The following CDKL5 variants were observed in gnomAD, a reference collection of about 807,000 sequenced individuals.
CDKL5 encodes cyclin dependent kinase like 5.
Under a neutral mutation model 61.7 loss-of-function variants are expected in CDKL5, and 8 were observed. That is an observed-to-expected ratio of 0.13 (90% CI 0.08 to 0.23). The LOEUF is 0.23. Ranked by LOEUF, CDKL5 falls within the 10% of genes least tolerant of loss-of-function variation. The pLI is 1.00. For synonymous variants in CDKL5, 275 were observed against 272.3 expected, an observed-to-expected ratio of 1.01 and a Z score of -0.10; for missense variants, 440 against 734.5, an observed-to-expected ratio of 0.60 and a Z score of 4.63.
intron 6 of CDKL5, 35 bp from the exon 7 acceptor site, chrX:18,581,856 T>C: frequency 1.0e-6 from 1 of 983,332 alleles, no homozygotes; most frequent in Non-Finnish European, 1.5e-6. Flanking sequence ...ACATAGAACA[T>C]TTTTACTAAT....
chrX:18,527,613 T>G (rs1282698091), intron 3 of CDKL5, among the ~76,000 whole-genome samples: 1 of 111,756 alleles, frequency 8.9e-6, no homozygotes, highest in Non-Finnish European at 1.9e-5. Context: ...TAATTTGTGT[T>G]TTTTTTTCTC....
rs771196856 is a variant in CDKL5, at chrX:18,633,104, G to C, written c.*4347G>C. The C allele has an allele frequency of 2.1e-5, 16 of 752,416 alleles. No individual in the cohort carries two copies. The highest frequency in any genetic ancestry group is 2.5e-5 in the Non-Finnish European group (16 of 639,139). 62.0% of individuals were successfully genotyped at this position (752,416 alleles called of 1,213,427 possible). A position where few individuals can be genotyped will look rare whatever the true frequency, so the allele number is the denominator to read the frequency against. ...CAGTAAATCTGCACGTTCTCTGCTG[G>C]TCAGAACATGTTTCCTGGAGAGCAT... On this transcript the variant is annotated 3_prime_UTR_variant, in exon 18 of 18. Transcript: ENST00000623535.
chrX:18,644,275 G>A (rs1164247992), downstream of CDKL5, among the ~76,000 whole-genome samples: 1 of 111,923 alleles, frequency 8.9e-6, no homozygotes, highest in Non-Finnish European at 1.9e-5. Flanking sequence ...GCAAGCCCAG[G>A]AAAGAGAGCA....
rs146623473 is a variant in CDKL5, at chrX:18,598,944, C to A, written c.977+331C>A. 4.2e-3 allele frequency among the ~76,000 whole-genome samples: 472 copies of A among 111,554 alleles called. 2 individuals are homozygous for A. The Middle Eastern group carries it at 0.046, about 11-fold the overall frequency. On this transcript the variant is annotated intron_variant, in intron 11 of 17. Transcript: ENST00000623535. ...ATCAGTGATACCCGGAGGAAGAAAG[C>A]TGGGTGAAGGCAAGGGGATTCCTGG... is the stretch of plus-strand genomic sequence containing the variant.
intron 1 of CDKL5, among the ~76,000 whole-genome samples, chrX:18,451,741 G>A (rs886562657): frequency 9.0e-6 from 1 of 110,670 alleles, no homozygotes; most frequent in Non-Finnish European, 1.9e-5. Flanking sequence ...GTTTTGCCAT[G>A]TTGCCCAGGC....
chrX:18,529,833 TC>T (rs1209260001), intron 3 of CDKL5, among the ~76,000 whole-genome samples: 3 of 108,097 alleles, frequency 2.8e-5, no homozygotes, highest in Admixed American at 1.0e-4. Flanking sequence ...TAGGTGTAGA[TC>T]TTTTGGTATT....
intron 3 of CDKL5, among the ~76,000 whole-genome samples, chrX:18,531,904 C>T (rs1280696173): frequency 9.3e-6 from 1 of 106,989 alleles, no homozygotes; most frequent in East Asian, 2.9e-4. Context: ...GACGGGGTTT[C>T]ACCTTGTTAG....
intron 3 of CDKL5, among the ~76,000 whole-genome samples, chrX:18,554,455 G>T (rs1331677198): frequency 1.1e-5 from 1 of 90,265 alleles, no homozygotes; most frequent in African/African-American, 4.3e-5. Context: ...TCACTCTGTC[G>T]CCCAGGCTGG....
At chrX:18,510,908 A>G (rs1213508004) in intron 3 of CDKL5, 54 bp downstream of exon 3, 1 of 887,970 alleles carries the variant, frequency 1.1e-6, no homozygotes, top group African/African-American at 2.0e-5. Flanking sequence ...CTGTTTTGAA[A>G]CTAATGTAGT....
chrX:18,465,605 G>C (rs1348260725), intron 1 of CDKL5, among the ~76,000 whole-genome samples: 2 of 111,526 alleles, frequency 1.8e-5, no homozygotes, highest in African/African-American at 6.5e-5. Flanking sequence ...GGAAGGGGAG[G>C]TTGCAGTCAG....
chrX:18,600,041 G>T (rs1046561014), intron 11 of CDKL5, among the ~76,000 whole-genome samples: 1 of 111,198 alleles, frequency 9.0e-6, no homozygotes, highest in African/African-American at 3.3e-5. Flanking sequence ...CAAGCGATTC[G>T]CCTGCCTCAG....
At chrX:18,538,389 A>G (rs1489272383) in intron 3 of CDKL5, among the ~76,000 whole-genome samples, 2 of 111,092 alleles carry the variant, frequency 1.8e-5, no homozygotes, top group Non-Finnish European at 3.8e-5. Flanking sequence ...TTGCTTTTTC[A>G]TTCTCTTAAC....
At chrX:18,560,783 AC>A (rs1924776901) in intron 3 of CDKL5, among the ~76,000 whole-genome samples, 5 of 110,858 alleles carry the variant, frequency 4.5e-5, no homozygotes, top group African/African-American at 6.6e-5. Flanking sequence ...AAATACACAC[AC>A]ACACACACAC....
intron 4 of CDKL5, among the ~76,000 whole-genome samples, chrX:18,573,768 G>T (rs12689534): frequency 8.9e-6 from 1 of 112,092 alleles, no homozygotes; most frequent in East Asian, 2.8e-4. Flanking sequence ...GGCTAAAGTA[G>T]AATACTTCAT....
rs780316907 is a variant in CDKL5 at position 18,628,787 on chromosome X, G to A, written c.*30G>A. On this transcript the variant is annotated 3_prime_UTR_variant, in exon 18 of 18. Coordinates refer to ENST00000623535, the MANE Select transcript of CDKL5 (RefSeq NM_001323289.2). ...TGCTGGTAGGGGGGAGGGGTGGACA[G>A]ACAAGCCAGTGGGGAGGGGTGGGAA... 5.2e-6 allele frequency: 1 copy of A among 192,965 alleles called. No homozygotes were observed. Among genetic ancestry groups the A allele is most frequent in the Non-Finnish European group, 6.6e-6 (1 of 152,340 alleles). The allele number at this position is 192,965 out of a possible 1,213,427, so 15.9% of individuals were successfully genotyped here.
intron 1 of CDKL5, among the ~76,000 whole-genome samples, chrX:18,454,709 A>G (rs1244343120): frequency 9.3e-6 from 1 of 107,009 alleles, no homozygotes; most frequent in Non-Finnish European, 1.9e-5. Context: ...GGCGCACACT[A>G]CCATGCTGGC....
chrX:18,544,032 G>A (rs1924111553), intron 3 of CDKL5, among the ~76,000 whole-genome samples: 1 of 111,692 alleles, frequency 9.0e-6, no homozygotes, highest in Admixed American at 9.5e-5. Context: ...GTGCTTCCCT[G>A]GCCCCAACTC....
intron 1 of CDKL5, among the ~76,000 whole-genome samples, chrX:18,428,693 A>G (rs536043196): frequency 1.8e-5 from 2 of 109,833 alleles, no homozygotes; most frequent in African/African-American, 6.6e-5. Context: ...AAAGCTATTT[A>G]CTCAGAATTG....
At chrX:18,578,259 G>GT (rs1326859318) in intron 5 of CDKL5, among the ~76,000 whole-genome samples, 5 of 112,035 alleles carry the variant, frequency 4.5e-5, no homozygotes, top group Non-Finnish European at 7.5e-5. Flanking sequence ...ATTCAACTTT[G>GT]TTTTCTTATA....
Sources: gnomAD v4.1 joint callset for allele counts (sites outside exome capture counted in the v4.1 genomes callset) on GRCh38, gnomAD v4.1.1 for gene constraint, MANE v1.5 for transcripts, NCBI Gene and HGNC (gene_info 2026-07-23, HGNC 2026-07-21) for gene names.